The following MED14 variants were observed in gnomAD, a reference collection of about 807,000 sequenced individuals.
The protein encoded by MED14 is mediator of RNA polymerase II transcription subunit 14.
A neutral mutation model predicts 109.0 loss-of-function variants in MED14; 8 were observed. That is an observed-to-expected ratio of 0.07 (90% confidence interval 0.04 to 0.13). The LOEUF (loss-of-function observed/expected upper bound fraction) is 0.13, where lower values mean the gene tolerates loss of function less well. Among genes scored for constraint, MED14 ranks in the 10% least tolerant of loss-of-function variants. MED14 has a pLI of 1.00. For synonymous variants in MED14, 399 were observed against 408.7 expected (o/e 0.98, Z 0.29); for missense variants, 711 against 1,142.4 (o/e 0.62, Z 5.44).
At chrX:40,700,864 A>G (rs1930911221) in intron 12 of MED14, among the ~76,000 whole-genome samples, 1 of 112,019 alleles carries the variant, frequency 8.9e-6, no homozygotes, top group Non-Finnish European at 1.9e-5. Flanking sequence ...CACTTGATAC[A>G]ATAAAATTCA....
chrX:40,684,497 T>C (rs1476106840), intron 16 of MED14, among the ~76,000 whole-genome samples: 1 of 112,440 alleles, frequency 8.9e-6, no homozygotes, highest in African/African-American at 3.2e-5. Flanking sequence ...TTTTTATCAC[T>C]GCCAGAAAGA....
chrX:40,720,353 G>A (rs928175680), intron 3 of MED14, among the ~76,000 whole-genome samples: 5 of 112,117 alleles, frequency 4.5e-5, no homozygotes, highest in African/African-American at 1.6e-4. Flanking sequence ...TGCACTTAAG[G>A]GAGGGAGAGA....
chrX:40,649,439 G>A lies in MED14; in HGVS notation c.*2367C>T, dbSNP rs1423971227. 3 of 210,849 alleles carry A rather than the reference G, an allele frequency of 1.4e-5. No individual in the cohort carries two copies. The highest frequency in any genetic ancestry group is 2.4e-5 in the Non-Finnish European group (3 of 127,555). 17.4% of individuals were successfully genotyped at this position (210,849 alleles called of 1,213,427 possible). A position where few individuals can be genotyped will look rare whatever the true frequency, so the allele number is the denominator to read the frequency against. On this transcript the variant is annotated 3_prime_UTR_variant, in exon 31 of 31. Coordinates refer to ENST00000324817, the MANE Select transcript of MED14 (RefSeq NM_004229.4). The stretch of plus-strand genomic sequence containing the variant: ...ATGGCATTTCAGCAGATGGAAAAAT[G>A]AAGGTGGCAAATCAGGACCAATTTC...
In MED14 at chrX:40,701,236, G is replaced by A; in HGVS notation, c.1419C>T (p.Ala473=). Residue 473 remains alanine, a synonymous_variant, in exon 12 of 31, where the codon GCC becomes GCT. Coordinates refer to ENST00000324817, the MANE Select transcript of MED14 (RefSeq NM_004229.4). ...FQLMLYGLDQ[A]TLDDMEKSVN... ...CAGACTTCTCCATGTCATCCAGAGT[G>A]GCCTGGTCTACAGAATAAAGCACTT... 8.4e-7 allele frequency: 1 copy of A among 1,192,861 alleles called. No individual in the cohort carries two copies. Among genetic ancestry groups the A allele is most frequent in the Non-Finnish European group, 1.1e-6 (1 of 881,426 alleles).
At position 40,670,392 on chromosome X, in the gene MED14, A is replaced by T. The variant is rs758983574; in HGVS notation, c.3133+1469T>A. On this transcript the variant is annotated intron_variant, in intron 23 of 30. Transcript: ENST00000324817. ...ATGTCACTACATCTCCCACCTGCAG[A>T]TTAACAGATTCTCTGGTCAATACAA... is the stretch of plus-strand genomic sequence containing the variant. Among the ~76,000 whole-genome samples, 16 of 113,057 alleles carry T rather than the reference A, an allele frequency of 1.4e-4. No homozygotes were observed. The South Asian group carries it at 5.7e-3, about 40-fold the overall frequency.
At chrX:40,680,486 C>A (rs1355900106) in intron 20 of MED14, among the ~76,000 whole-genome samples, 1 of 111,634 alleles carries the variant, frequency 9.0e-6, no homozygotes, top group African/African-American at 3.3e-5. Flanking sequence ...GGCACAATCA[C>A]CGCTCACTGC....
chrX:40,685,595 C>A (rs1930266053), intron 16 of MED14, among the ~76,000 whole-genome samples: 1 of 112,063 alleles, frequency 8.9e-6, no homozygotes, highest in Non-Finnish European at 1.9e-5. Flanking sequence ...ATGAGTTCAA[C>A]GAGAAGGTGG....
intron 3 of MED14, 147 bp from the exon 4 acceptor site, chrX:40,714,857 G>A: frequency 2.0e-6 from 1 of 488,707 alleles, no homozygotes; most frequent in Non-Finnish European, 3.3e-6. Flanking sequence ...ATATTCTCCA[G>A]TAACTTGAAG....
At chrX:40,672,313 CCA>C (rs1179489483) in intron 22 of MED14, among the ~76,000 whole-genome samples, 1 of 112,011 alleles carries the variant, frequency 8.9e-6, no homozygotes, top group Non-Finnish European at 1.9e-5. Context: ...CATTTTCCCC[CCA>C]CACTTTAATA....
chrX:40,687,816 C>T (rs1302451133), intron 16 of MED14, among the ~76,000 whole-genome samples: 2 of 111,926 alleles, frequency 1.8e-5, no homozygotes, highest in African/African-American at 6.5e-5. Context: ...GCTTTATGAA[C>T]CCACAGCATT....
intron 16 of MED14, 127 bp downstream of exon 16, chrX:40,688,327 T>C: frequency 2.1e-6 from 1 of 474,696 alleles, no homozygotes. Context: ...CCCTAGTAAC[T>C]CTATGCAGAA....
chrX:40,723,533 G>T (rs1171277941), intron 3 of MED14, among the ~76,000 whole-genome samples: 1 of 109,058 alleles, frequency 9.2e-6, no homozygotes, highest in Non-Finnish European at 1.9e-5. Context: ...GGGCATGGTG[G>T]CATGCACCTG....
intron 16 of MED14, among the ~76,000 whole-genome samples, chrX:40,687,906 G>C (rs183474103): frequency 8.9e-6 from 1 of 112,071 alleles, no homozygotes; most frequent in African/African-American, 3.2e-5. Flanking sequence ...GAAATGCAGA[G>C]AAAAGACATC....
intron 3 of MED14, 172 bp from the exon 4 acceptor site, chrX:40,714,882 A>C: frequency 7.3e-6 from 3 of 412,606 alleles, no homozygotes; most frequent in Non-Finnish European, 1.2e-5. Flanking sequence ...AATATTTAAT[A>C]CACTAGTATT....
intron 21 of MED14, among the ~76,000 whole-genome samples, chrX:40,676,667 C>T (rs1056784793): frequency 9.0e-6 from 1 of 111,635 alleles, no homozygotes; most frequent in African/African-American, 3.3e-5. Flanking sequence ...AGAGAGGGAC[C>T]GATTGATTGG....
chrX:40,683,136 C>T lies in MED14; in HGVS notation c.2058-140G>A, dbSNP rs778871611. 2.2e-5 allele frequency: 10 copies of T among 454,033 alleles called. No individual in the cohort carries two copies. In the South Asian group the frequency reaches 4.5e-4, roughly 20 times the overall value. 37.4% of individuals were successfully genotyped at this position (454,033 alleles called of 1,213,427 possible). A position where few individuals can be genotyped will look rare whatever the true frequency, so the allele number is the denominator to read the frequency against. On this transcript the variant is annotated intron_variant, in intron 16 of 30. Coordinates refer to ENST00000324817, the MANE Select transcript of MED14 (RefSeq NM_004229.4). ...TTCTGCAAAAGGAGGAAGCAATTCA[C>T]AGCAATTAATAGTATTTAATCCATT...
At chrX:40,654,892 C>T (rs1397360389) in intron 29 of MED14, 43 bp downstream of exon 29, 3 of 1,188,929 alleles carry the variant, frequency 2.5e-6, no homozygotes, top group Middle Eastern at 2.3e-4. Flanking sequence ...GTGGCATTTC[C>T]CTCAGAAGCT....
At chrX:40,734,970 A>C (rs1932201204) in intron 1 of MED14, among the ~76,000 whole-genome samples, 1 of 112,059 alleles carries the variant, frequency 8.9e-6, no homozygotes, top group Non-Finnish European at 1.9e-5. Context: ...TTTCAGTGGA[A>C]GTGTAACAAC....
chrX:40,687,204 T>C (rs1378034427), intron 16 of MED14, among the ~76,000 whole-genome samples: 2 of 111,670 alleles, frequency 1.8e-5, no homozygotes, highest in East Asian at 5.6e-4. Flanking sequence ...ACTGCCACCA[T>C]CCATCATTTG....
Sources: gnomAD v4.1 joint callset for allele counts (sites outside exome capture counted in the v4.1 genomes callset) on GRCh38, gnomAD v4.1.1 for gene constraint, MANE v1.5 for transcripts, NCBI Gene and HGNC (gene_info 2026-07-23, HGNC 2026-07-21) for gene names.